The following DMD variants were observed in gnomAD, a reference collection of about 807,000 sequenced individuals.
DMD encodes dystrophin.
DMD carries 63 observed loss-of-function variants against 330.1 expected under a neutral mutation model. The ratio of observed to expected loss-of-function variants is 0.19; its 90% CI spans 0.16 to 0.24. DMD has a LOEUF of 0.24. Ranked by LOEUF, DMD falls within the 10% of genes least tolerant of loss-of-function variation. The probability of loss-of-function intolerance (pLI) is 1.00; values close to 1 mark genes in which losing one functional copy is unlikely to be tolerated. For synonymous variants in DMD, 1,223 were observed against 959.8 expected (o/e 1.27, Z -5.07); for missense variants, 3,344 against 2,684.1 (o/e 1.25, Z -5.43).
At chrX:32,608,671 A>T (rs752114857) in intron 12 of DMD, among the ~76,000 whole-genome samples, 199 of 110,786 alleles carry the variant, frequency 1.8e-3, no homozygotes, top group African/African-American at 6.1e-3. Flanking sequence ...CGATTTGGAT[A>T]ATAAAACTAG....
rs185346041 is a variant in DMD, at chrX:32,089,382, C to T, written c.6439-120868G>A. ...GTTTGGTGTAAAGATTATTTTCTCA[C>T]GCAGGTACTAAACATAGTACCCAAT... On this transcript the variant is annotated intron_variant, in intron 44 of 78. Coordinates refer to ENST00000357033, the MANE Select transcript of DMD (RefSeq NM_004006.3). 4.5e-5 allele frequency among the ~76,000 whole-genome samples: 5 copies of T among 111,729 alleles called. No homozygotes were observed. In the East Asian group the frequency reaches 8.5e-4, roughly 19 times the overall value.
intron 30 of DMD, among the ~76,000 whole-genome samples, chrX:32,398,265 C>CA (rs2098060382): frequency 4.6e-5 from 2 of 43,859 alleles, no homozygotes; most frequent in South Asian, 2.1e-3. Flanking sequence ...TTTTTTAAAC[C>CA]CCCCCCCCCA....
At chrX:31,392,261 A>T (rs1273208651) in intron 60 of DMD, among the ~76,000 whole-genome samples, 1 of 112,595 alleles carries the variant, frequency 8.9e-6, no homozygotes, top group Non-Finnish European at 1.9e-5. Context: ...CAAAGACCAA[A>T]GCCAAAGGCT....
intron 27 of DMD, among the ~76,000 whole-genome samples, chrX:32,447,974 C>A (rs1349199291): frequency 9.0e-6 from 1 of 110,748 alleles, no homozygotes; most frequent in Non-Finnish European, 1.9e-5. Flanking sequence ...ACATGTCTAA[C>A]AAAGAACTCT....
intron 9 of DMD, among the ~76,000 whole-genome samples, chrX:32,667,384 T>A (rs1320486855): frequency 8.9e-6 from 1 of 112,224 alleles, no homozygotes; most frequent in African/African-American, 3.2e-5. Flanking sequence ...AAAAGTTTGT[T>A]CCAAATTATA....
intron 62 of DMD, among the ~76,000 whole-genome samples, chrX:31,288,851 T>C (rs2053430897): frequency 8.9e-6 from 1 of 112,220 alleles, no homozygotes; most frequent in Admixed American, 9.5e-5. Context: ...AGTCATTCAA[T>C]TAGTTTATGA....
chrX:32,576,525 CA>C (rs772254217), intron 13 of DMD, among the ~76,000 whole-genome samples: 3 of 110,809 alleles, frequency 2.7e-5, no homozygotes, highest in African/African-American at 6.6e-5. Flanking sequence ...GTAACATTGA[CA>C]GCATGAAGAC....
At chrX:32,624,793 C>T (rs2058238025) in intron 11 of DMD, among the ~76,000 whole-genome samples, 1 of 112,006 alleles carries the variant, frequency 8.9e-6, no homozygotes, top group South Asian at 3.7e-4. Context: ...GAGCTGTCAT[C>T]CCACCCCCGG....
At chrX:32,698,135 TATA>T in intron 8 of DMD, 137 bp from the exon 9 acceptor site, 3 of 672,173 alleles carry the variant, frequency 4.5e-6, no homozygotes, top group Non-Finnish European at 4.4e-6. Context: ...ATACTAAACA[TATA>T]TAAATGATAT....
intron 5 of DMD, among the ~76,000 whole-genome samples, chrX:32,819,456 A>G (rs959326016): frequency 9.1e-6 from 1 of 109,909 alleles, no homozygotes; most frequent in Non-Finnish European, 1.9e-5. Flanking sequence ...TAGCACTCCG[A>G]AAAAAAAAGA....
intron 43 of DMD, among the ~76,000 whole-genome samples, chrX:32,231,340 C>A (rs960208558): frequency 4.5e-5 from 5 of 111,777 alleles, no homozygotes; most frequent in Non-Finnish European, 3.8e-5. Flanking sequence ...ATACGAATTC[C>A]AAATATGCGG....
intron 41 of DMD, among the ~76,000 whole-genome samples, chrX:32,339,966 A>T (rs954936537): frequency 6.2e-5 from 7 of 112,323 alleles, no homozygotes; most frequent in African/African-American, 1.9e-4. Flanking sequence ...ACTACTTTTC[A>T]TTAAGCTGTT....
At chrX:32,654,012 C>G (rs954587494) in intron 9 of DMD, among the ~76,000 whole-genome samples, 1 of 112,203 alleles carries the variant, frequency 8.9e-6, no homozygotes, top group African/African-American at 3.2e-5. Flanking sequence ...TATCCTGAGA[C>G]TTTGCTGAAG....
intron 4 of DMD, among the ~76,000 whole-genome samples, chrX:32,830,750 G>A (rs868649539): frequency 6.2e-4 from 69 of 111,622 alleles, no homozygotes; most frequent in African/African-American, 2.2e-3. Flanking sequence ...CTGTCTCAGA[G>A]TTTTACACTG....
intron 52 of DMD, among the ~76,000 whole-genome samples, chrX:31,703,967 TAA>T (rs2148877612): frequency 9.0e-6 from 1 of 111,267 alleles, no homozygotes; most frequent in East Asian, 2.8e-4. Flanking sequence ...ATGAAAGACA[TAA>T]GTTACCCTTC....
chrX:32,961,918 T>G (rs2091913840), intron 2 of DMD, among the ~76,000 whole-genome samples: 1 of 112,072 alleles, frequency 8.9e-6, no homozygotes, highest in African/African-American at 3.2e-5. Context: ...CTTTAATTTC[T>G]TATGGATAAT....
chrX:31,767,751 T>G (rs1460500748), intron 51 of DMD, among the ~76,000 whole-genome samples: 1 of 112,265 alleles, frequency 8.9e-6, no homozygotes, highest in Non-Finnish European at 1.9e-5. Flanking sequence ...TTTGACTGAA[T>G]CTATTCACCA....
chrX:32,448,357 A>G (rs1475227608), intron 27 of DMD, 99 bp downstream of exon 27: 73 of 985,073 alleles, frequency 7.4e-5, no homozygotes, highest in Non-Finnish European at 9.9e-5. Context: ...AATTCAAGCC[A>G]AAGTTGTTTT....
chrX:31,892,590 A>C (rs2094271610), intron 47 of DMD, among the ~76,000 whole-genome samples: 1 of 111,901 alleles, frequency 8.9e-6, no homozygotes, highest in African/African-American at 3.3e-5. Flanking sequence ...GTGTGTACCT[A>C]CACAAACCTA....
Sources: gnomAD v4.1 joint callset for allele counts (sites outside exome capture counted in the v4.1 genomes callset) on GRCh38, gnomAD v4.1.1 for gene constraint, MANE v1.5 for transcripts, NCBI Gene and HGNC (gene_info 2026-07-23, HGNC 2026-07-21) for gene names.